Variants in TPPP observed in about 807,000 individuals in gnomAD.
TPPP encodes tubulin polymerization-promoting protein.
In TPPP, 6 loss-of-function variants were observed where a neutral mutation model predicts 15.5. The ratio of observed to expected loss-of-function variants is 0.39; its 90% CI spans 0.21 to 0.77. TPPP has a LOEUF of 0.77. Among genes scored for constraint, TPPP ranks in the 30% least tolerant of loss-of-function variants. The pLI, the probability that TPPP is intolerant of heterozygous loss-of-function variation, is 0.42. For missense variants in TPPP, 269 were observed against 307.2 expected, an observed-to-expected ratio of 0.88 and a Z score of 0.93; for synonymous variants, 146 against 133.9, an observed-to-expected ratio of 1.09 and a Z score of -0.63.
intron 2 of TPPP, among the ~76,000 whole-genome samples, chr5:674,872 G>T (rs1473128572): frequency 6.6e-6 from 1 of 151,752 alleles, no homozygotes; most frequent in Non-Finnish European, 1.5e-5. Flanking sequence ...TGTGGGAGCT[G>T]CCCCTTGCCA....
chr5:698,896 A>G, the TPPP span, among the ~76,000 whole-genome samples: 4 of 152,018 alleles, frequency 2.6e-5, no homozygotes, highest in Non-Finnish European at 4.4e-5. Context: ...CCAAGAACCA[A>G]ATCAGGAAGG....
Position 665,280 on chromosome 5 carries a change from G to C in TPPP, c.482C>G (p.Pro161Arg), listed in dbSNP as rs904005324. ...GGTGTCCGTGAGCCTCGACACTGTG[G>C]GCGACGAGATGGCTTTCTGCAAGAG... is the stretch of plus-strand genomic sequence containing the variant. ...ISGVTKAISS[P>R]TVSRLTDTTK... The change falls in exon 4 of 4, where the codon CCC becomes CGC. Residue 161 changes from proline (P) to arginine (R), a missense_variant. Coordinates refer to ENST00000360578, the MANE Select transcript of TPPP (RefSeq NM_007030.3). 6.2e-7 allele frequency: 1 copy of C among 1,613,218 alleles called. No individual in the cohort carries two copies. The highest frequency in any genetic ancestry group is 1.3e-5 in the African/African-American group (1 of 74,898).
rs1422752807 is a variant in TPPP at position 664,982 on chromosome 5, G to T, written c.*120C>A. The T allele has an allele frequency of 5.5e-6, 7 of 1,263,568 alleles. No homozygotes were observed. Among genetic ancestry groups the T allele is most frequent in the Non-Finnish European group, 7.6e-6 (7 of 918,388 alleles). 78.3% of individuals were successfully genotyped at this position (1,263,568 alleles called of 1,614,324 possible). On this transcript the variant is annotated 3_prime_UTR_variant, in exon 4 of 4. Transcript: ENST00000360578. ...GAGGCCTGGGCCTGGCCGCCCCCCA[G>T]CCCCCTCTGGGGCACCCGTCTGAGT...
intron 2 of TPPP, among the ~76,000 whole-genome samples, chr5:669,552 G>A (rs1190782983): frequency 6.6e-6 from 1 of 152,170 alleles, no homozygotes; most frequent in East Asian, 1.9e-4. Context: ...TGCCCAAGCT[G>A]ACATGCGGAC....
Position 664,872 on chromosome 5 carries a change from G to T in TPPP, c.*230C>A, listed in dbSNP as rs1739828115. The T allele has an allele frequency of 1.7e-6, 1 of 573,824 alleles. No individual in the cohort carries two copies. The allele number at this position is 573,824 out of a possible 1,614,324, so 35.5% of individuals were successfully genotyped here. A position where few individuals can be genotyped will look rare whatever the true frequency, so the allele number is the denominator to read the frequency against. On this transcript the variant is annotated 3_prime_UTR_variant, in exon 4 of 4. Transcript: ENST00000360578. ...GGAAATGGCTGAGGACGAGGCAGGT[G>T]TATTAGGAGGGTCAGCGAACTGGGG...
chr5:675,648 C>A (rs141328312), intron 2 of TPPP, among the ~76,000 whole-genome samples: 4 of 151,862 alleles, frequency 2.6e-5, no homozygotes, highest in African/African-American at 9.7e-5. Flanking sequence ...GGCTGTTGGA[C>A]GGACCCTCGA....
chr5:692,255 C>T (rs1336921849), intron 1 of TPPP, among the ~76,000 whole-genome samples: 2 of 116,986 alleles, frequency 1.7e-5, no homozygotes, highest in Middle Eastern at 5.7e-3. Flanking sequence ...CCTATCAAAA[C>T]AGCAGCCTCC....
Position 671,838 on chromosome 5 carries a change from C to T in TPPP, c.312-5715G>A, listed in dbSNP as rs141534229. Reference sequence around the variant, plus strand: ...AGTGCAAGCCCGGGACAGGGTGGCACCCACAGCAATGGAGGGACAGGGTTG... The same window carrying T: ...AGTGCAAGCCCGGGACAGGGTGGCATCCACAGCAATGGAGGGACAGGGTTG... On this transcript the variant is annotated intron_variant, in intron 2 of 3. Coordinates refer to ENST00000360578, the MANE Select transcript of TPPP (RefSeq NM_007030.3). 1.7e-3 allele frequency among the ~76,000 whole-genome samples: 255 copies of T among 152,350 alleles called. 3 individuals carry two copies. The highest frequency in any genetic ancestry group is 5.9e-3 in the African/African-American group (246 of 41,584).
chr5:685,412 A>G (rs1025572225), intron 1 of TPPP, among the ~76,000 whole-genome samples: 1 of 152,224 alleles, frequency 6.6e-6, no homozygotes, highest in Non-Finnish European at 1.5e-5. Flanking sequence ...TCCTCCGGCC[A>G]TCCTGCACTG....
chr5:673,190 T>C (rs1188288889), intron 2 of TPPP, among the ~76,000 whole-genome samples: 1 of 152,150 alleles, frequency 6.6e-6, no homozygotes, highest in African/African-American at 2.4e-5. Context: ...CACCACCCCT[T>C]GCTTTCCCCG....
At chr5:696,413 G>A (rs1371483413), upstream of TPPP, among the ~76,000 whole-genome samples, 2 of 144,596 alleles carry the variant, frequency 1.4e-5, no homozygotes, top group Non-Finnish European at 3.1e-5. Flanking sequence ...CCTGTCAGGT[G>A]TCCACCCACC....
At chr5:697,349 G>A (rs1310220979), upstream of TPPP, among the ~76,000 whole-genome samples, 5 of 144,940 alleles carry the variant, frequency 3.4e-5, no homozygotes, top group African/African-American at 1.0e-4. Context: ...GCCAGCCATC[G>A]CTACCTCAGT....
intron 2 of TPPP, among the ~76,000 whole-genome samples, chr5:673,728 G>C (rs1214712739): frequency 6.6e-6 from 1 of 152,150 alleles, no homozygotes; most frequent in Non-Finnish European, 1.5e-5. Flanking sequence ...CTGGGGAGGT[G>C]AATGTGCTGG....
rs148227780 is a variant in TPPP at position 665,813 on chromosome 5, C to G, written c.465+157G>C. The G allele has an allele frequency of 8.1e-6, 7 of 866,954 alleles. No individual in the cohort carries two copies. In the African/African-American group the frequency reaches 1.0e-4, roughly 13 times the overall value. 53.7% of individuals were successfully genotyped at this position (866,954 alleles called of 1,614,324 possible). A position where few individuals can be genotyped will look rare whatever the true frequency, so the allele number is the denominator to read the frequency against. Reference sequence around the variant, plus strand: ...TGACCACACCTCCTCAGACCCCACACCAGGCCACGCCCTCCTGACCACGCC... The same window carrying G: ...TGACCACACCTCCTCAGACCCCACAGCAGGCCACGCCCTCCTGACCACGCC... On this transcript the variant is annotated intron_variant, in intron 3 of 3. Coordinates refer to ENST00000360578, the MANE Select transcript of TPPP (RefSeq NM_007030.3).
intron 3 of TPPP, among the ~76,000 whole-genome samples, chr5:665,682 C>T (rs1472982269): frequency 7.9e-6 from 1 of 126,844 alleles, no homozygotes; most frequent in African/African-American, 3.0e-5. Context: ...GGCCATGCCT[C>T]CCAGGACCCA....
chr5:675,618 A>AGTGCAGTGCCAGAG (rs1223882507), intron 2 of TPPP, among the ~76,000 whole-genome samples: 1 of 149,176 alleles, frequency 6.7e-6, no homozygotes, highest in Non-Finnish European at 1.5e-5. Flanking sequence ...TGTGGCCGGG[A>AGTGCAGTGCCAGAG]GTGCAGTGCC....
chr5:697,372 G>C, upstream of TPPP, among the ~76,000 whole-genome samples: 1 of 148,736 alleles, frequency 6.7e-6, no homozygotes, highest in South Asian at 2.2e-4. Flanking sequence ...CACAGCCGAT[G>C]TTAGGGAAGA....
chr5:679,588 G>T (rs1399752996), intron 1 of TPPP, among the ~76,000 whole-genome samples: 2 of 152,162 alleles, frequency 1.3e-5, no homozygotes, highest in Non-Finnish European at 1.5e-5. Context: ...CGCTGGACAG[G>T]AGGAGCAGCT....
upstream of TPPP, among the ~76,000 whole-genome samples, chr5:693,667 G>C (rs1561097281): frequency 6.6e-6 from 1 of 151,602 alleles, no homozygotes; most frequent in Non-Finnish European, 1.5e-5. Context: ...TGGCTCTGGG[G>C]CCCCCCGGGG....
Sources: allele counts gnomAD v4.1 joint callset (sites outside exome capture counted in the v4.1 genomes callset), GRCh38; gene constraint gnomAD v4.1.1; transcripts MANE v1.5; gene names NCBI Gene and HGNC (gene_info 2026-07-23, HGNC 2026-07-21).